The following MYO16 variants were observed in gnomAD, a reference collection of about 807,000 sequenced individuals.
The protein encoded by MYO16 is unconventional myosin-XVI.
In MYO16, 94 loss-of-function variants were observed where a neutral mutation model predicts 205.3. That is an observed-to-expected ratio of 0.46 (90% CI 0.39 to 0.54). MYO16 has a LOEUF of 0.54. Ranked by LOEUF, MYO16 falls within the 20% of genes least tolerant of loss-of-function variation. MYO16 has a pLI of 0.00. For missense variants in MYO16, 2,315 were observed against 2,387.5 expected, an observed-to-expected ratio of 0.97 and a Z score of 0.63; for synonymous variants, 988 against 954.0, an observed-to-expected ratio of 1.04 and a Z score of -0.66.
chr13:109,061,803 A>G lies in MYO16; in HGVS notation c.3335+6208A>G, dbSNP rs61970887. On this transcript the variant is annotated intron_variant, in intron 27 of 34. Coordinates refer to ENST00000457511, the MANE Select transcript of MYO16 (RefSeq NM_001198950.3). ...TATGCTTCAATTTGTGAAAAATGCA[A>G]TGTCTGCAACACCACAACAAAATGA... Among the ~76,000 whole-genome samples the G allele has an allele frequency of 8.1e-3, 1,223 of 151,518 alleles. 7 individuals are homozygous for G. Among genetic ancestry groups the G allele is most frequent in the Middle Eastern group, 0.027 (8 of 294 alleles).
At chr13:109,022,259 A>G (rs1478189616) in intron 23 of MYO16, among the ~76,000 whole-genome samples, 2 of 130,888 alleles carry the variant, frequency 1.5e-5, no homozygotes, top group Non-Finnish European at 3.1e-5. Context: ...ATACAAATAT[A>G]TATACATATA....
chr13:108,910,817 G>A (rs898590612), intron 16 of MYO16, among the ~76,000 whole-genome samples: 5 of 152,146 alleles, frequency 3.3e-5, no homozygotes, highest in Admixed American at 2.6e-4. Flanking sequence ...GGTGGGAAAA[G>A]AGCACAAGAG....
intron 22 of MYO16, among the ~76,000 whole-genome samples, chr13:109,018,613 GGATCCGT>G (rs1885912690): frequency 6.6e-6 from 1 of 152,184 alleles, no homozygotes; most frequent in African/African-American, 2.4e-5. Flanking sequence ...TGTAGGCATT[GGATCCGT>G]TGAGCGAAGC....
intron 4 of MYO16, among the ~76,000 whole-genome samples, chr13:108,763,878 T>C (rs892224970): frequency 5.3e-5 from 8 of 151,720 alleles, no homozygotes; most frequent in African/African-American, 1.9e-4. Flanking sequence ...CCCATGGAAA[T>C]GTGTAATCTG....
chr13:108,583,352 C>T, the MYO16 span, among the ~76,000 whole-genome samples: 11 of 152,272 alleles, frequency 7.2e-5, no homozygotes, highest in Admixed American at 2.0e-4. Flanking sequence ...GCATTATCCA[C>T]GCAGAATTCC....
At chr13:108,669,912 G>A (rs1392523262) in intron 2 of MYO16, among the ~76,000 whole-genome samples, 3 of 152,028 alleles carry the variant, frequency 2.0e-5, no homozygotes, top group Admixed American at 1.3e-4. Context: ...ATCACACACT[G>A]GGGCCTGTCG....
At position 108,820,317 on chromosome 13, in the gene MYO16, A is replaced by T. The variant is rs775977311; in HGVS notation, c.868-20A>T. On this transcript the variant is annotated intron_variant, in intron 7 of 34. Coordinates refer to ENST00000457511, the MANE Select transcript of MYO16 (RefSeq NM_001198950.3). ...CTTCTGCCATGGTGGTTCCCATTTC[A>T]ATTATCTTTAATATTTCAGACAAAT... The T allele has an allele frequency of 7.7e-6, 12 of 1,561,738 alleles. No individual in the cohort carries two copies. The highest frequency in any genetic ancestry group is 1.4e-5 in the African/African-American group (1 of 73,290).
At chr13:108,864,997 T>TA (rs908735789) in intron 11 of MYO16, among the ~76,000 whole-genome samples, 8 of 152,046 alleles carry the variant, frequency 5.3e-5, no homozygotes, top group Admixed American at 2.0e-4. Flanking sequence ...TTCTTTTTTT[T>TA]AAAAAAAGGG....
At chr13:108,912,298 T>C (rs1466322849) in intron 16 of MYO16, among the ~76,000 whole-genome samples, 3 of 152,188 alleles carry the variant, frequency 2.0e-5, no homozygotes, top group South Asian at 4.1e-4. Context: ...TGGTTTGTCA[T>C]GTTGTGTAGG....
chr13:108,824,997 A>C (rs771156187), intron 9 of MYO16, among the ~76,000 whole-genome samples: 59 of 152,150 alleles, frequency 3.9e-4, no homozygotes, highest in Non-Finnish European at 6.8e-4. Flanking sequence ...ATTAACGCCA[A>C]TCTGTCACAA....
At chr13:108,588,670 C>T in the MYO16 span, among the ~76,000 whole-genome samples, 1 of 151,916 alleles carries the variant, frequency 6.6e-6, no homozygotes. Flanking sequence ...TTGAGTAGTA[C>T]TGTGTGATTA....
intron 24 of MYO16, among the ~76,000 whole-genome samples, chr13:109,052,052 G>A (rs189687746): frequency 6.6e-6 from 1 of 152,256 alleles, no homozygotes; most frequent in East Asian, 1.9e-4. Context: ...TACTCAGTTA[G>A]AGAGCAAGGC....
Position 109,108,035 on chromosome 13 carries a change from C to T in MYO16, c.3438+7148C>T, listed in dbSNP as rs760410407. Among the ~76,000 whole-genome samples, 5 of 152,146 alleles carry T rather than the reference C, an allele frequency of 3.3e-5. No homozygotes were observed. The South Asian group carries it at 8.3e-4, about 25-fold the overall frequency. ...GAATTGAACTACCTAAAGATAACTA[C>T]TGAAAATATTTGGTGCGTATTCATT... On this transcript the variant is annotated intron_variant, in intron 28 of 34. Transcript: ENST00000457511.
intron 27 of MYO16, among the ~76,000 whole-genome samples, chr13:109,098,819 T>A (rs893419596): frequency 3.3e-5 from 5 of 152,220 alleles, no homozygotes; most frequent in African/African-American, 4.8e-5. Context: ...AATCCACTTT[T>A]GTCATACATC....
At chr13:108,655,599 G>A (rs777376740) in intron 1 of MYO16, among the ~76,000 whole-genome samples, 10 of 152,112 alleles carry the variant, frequency 6.6e-5, no homozygotes, top group Non-Finnish European at 1.5e-4. Flanking sequence ...ACCCCAGAAT[G>A]GTAGATCCAT....
chr13:108,574,314 G>GAAGC, the MYO16 span, among the ~76,000 whole-genome samples: 1 of 152,188 alleles, frequency 6.6e-6, no homozygotes, highest in Non-Finnish European at 1.5e-5. Flanking sequence ...ATGGTTATAT[G>GAAGC]AAGCAAGGAA....
intron 3 of MYO16, among the ~76,000 whole-genome samples, chr13:108,723,393 G>A (rs1052563743): frequency 6.6e-6 from 1 of 151,818 alleles, no homozygotes; most frequent in Non-Finnish European, 1.5e-5. Context: ...CCCCTGATAG[G>A]CTGCATTTTT....
chr13:108,825,949 TGAAA>T (rs1446233288), intron 9 of MYO16, among the ~76,000 whole-genome samples: 1 of 151,886 alleles, frequency 6.6e-6, no homozygotes, highest in Admixed American at 6.6e-5. Context: ...AAAACATCAC[TGAAA>T]GAGATTAAAG....
chr13:109,174,701 T>C (rs1416123600), intron 33 of MYO16, among the ~76,000 whole-genome samples: 1 of 151,880 alleles, frequency 6.6e-6, no homozygotes, highest in Non-Finnish European at 1.5e-5. Flanking sequence ...CATGTAAAAT[T>C]CAGTGCCATA....
Sources: gnomAD v4.1 joint callset for allele counts (sites outside exome capture counted in the v4.1 genomes callset) on GRCh38, gnomAD v4.1.1 for gene constraint, MANE v1.5 for transcripts, NCBI Gene and HGNC (gene_info 2026-07-23, HGNC 2026-07-21) for gene names.